NSUN6: variants seen among roughly 807,000 people sequenced by gnomAD.
NSUN6 encodes tRNA (cytosine(72)-C(5))-methyltransferase NSUN6.
In NSUN6, 64 loss-of-function variants were observed where a neutral mutation model predicts 58.0. The ratio of observed to expected loss-of-function variants is 1.10; its 90% CI spans 0.90 to 1.36. NSUN6 has a LOEUF of 1.36. Ranked by LOEUF, NSUN6 falls within the 40% of genes most tolerant of loss-of-function variation. NSUN6 has a pLI of 0.00. For synonymous variants in NSUN6, 231 were observed against 193.9 expected (o/e 1.19, Z -1.59); for missense variants, 701 against 550.1 (o/e 1.27, Z -2.74).
Position 18,651,392 on chromosome 10 carries a change from G to A in NSUN6, c.-189C>T, listed in dbSNP as rs1309935403. On this transcript the variant is annotated 5_prime_UTR_variant, in exon 1 of 11. Transcript: ENST00000377304. ...TCTCAAGCCTAGCCGATTAGAAGGG[G>A]CTGCCGGGCTTCCACCACACCTCAT... is the stretch of plus-strand genomic sequence containing the variant. 2 of 1,292,874 alleles carry A rather than the reference G, an allele frequency of 1.5e-6. No individual in the cohort carries two copies. The highest frequency in any genetic ancestry group is 3.2e-5 in the East Asian group (1 of 31,064). 80.1% of individuals were successfully genotyped at this position (1,292,874 alleles called of 1,614,324 possible). A position where few individuals can be genotyped will look rare whatever the true frequency, so the allele number is the denominator to read the frequency against.
chr10:18,566,428 C>A (rs2055951315), intron 8 of NSUN6, among the ~76,000 whole-genome samples: 1 of 149,158 alleles, frequency 6.7e-6, no homozygotes, highest in Admixed American at 6.7e-5. Context: ...TTCCACAATC[C>A]ATTCCGTTCA....
At chr10:18,600,959 T>TATATATATGTATATATATATATATATAC in intron 6 of NSUN6, among the ~76,000 whole-genome samples, 35 of 64,916 alleles carry the variant, frequency 5.4e-4, no homozygotes, top group Non-Finnish European at 6.4e-4. Context: ...TATATATATA[T>TATATATATGTATATATATATATATATAC]ACATATATAT....
chr10:18,623,832 G>C (rs111376938), intron 3 of NSUN6, among the ~76,000 whole-genome samples: 77 of 152,266 alleles, frequency 5.1e-4, no homozygotes, highest in African/African-American at 1.6e-3. Context: ...TTCACAGAGA[G>C]CCTCGGCTCT....
At position 18,651,267 on chromosome 10, in the gene NSUN6, T is replaced by C. The variant is rs2059697862; in HGVS notation, c.-64A>G. 6 of 1,501,168 alleles carry C rather than the reference T, an allele frequency of 4.0e-6. No homozygotes were observed. Among genetic ancestry groups the C allele is most frequent in the East Asian group, 2.4e-5 (1 of 41,266 alleles). 93.0% of individuals were successfully genotyped at this position (1,501,168 alleles called of 1,614,324 possible). A position where few individuals can be genotyped will look rare whatever the true frequency, so the allele number is the denominator to read the frequency against. ...GAAAACGGTGTTTTGTTTTTTTTTT[T>C]CTTTCCGAATTAATAGTGACGAGTG... On this transcript the variant is annotated 5_prime_UTR_variant, in exon 1 of 11. Coordinates refer to ENST00000377304, the MANE Select transcript of NSUN6 (RefSeq NM_182543.5).
At chr10:18,635,755 T>G (rs2059191915) in intron 3 of NSUN6, among the ~76,000 whole-genome samples, 1 of 151,532 alleles carries the variant, frequency 6.6e-6, no homozygotes, top group Non-Finnish European at 1.5e-5. Flanking sequence ...GGAGAACCAC[T>G]TGAACCCGGG....
At chr10:18,563,736 TC>T (rs2055717638) in intron 8 of NSUN6, among the ~76,000 whole-genome samples, 1 of 150,270 alleles carries the variant, frequency 6.7e-6, no homozygotes, top group African/African-American at 2.5e-5. Context: ...CATTCTCCAT[TC>T]CATTCCATTC....
Position 18,609,938 on chromosome 10 carries a change from G to T in NSUN6, c.576-12C>A. 6.7e-7 allele frequency: 1 copy of T among 1,501,326 alleles called. No homozygotes were observed. Among genetic ancestry groups the T allele is most frequent in the Non-Finnish European group, 9.3e-7 (1 of 1,077,766 alleles). 93.0% of individuals were successfully genotyped at this position (1,501,326 alleles called of 1,614,324 possible). ...TTATGCCCATGCCTCTGAAAAATAGGAAATCTAACATTAGTCTGTATAAAT... is the reference window on the plus strand; with the variant it reads ...TTATGCCCATGCCTCTGAAAAATAGTAAATCTAACATTAGTCTGTATAAAT... On this transcript the variant is annotated splice_polypyrimidine_tract_variant and intron_variant, in intron 5 of 10. Coordinates refer to ENST00000377304, the MANE Select transcript of NSUN6 (RefSeq NM_182543.5).
At position 18,615,128 on chromosome 10, in the gene NSUN6, T is replaced by TATATATATAC. The variant is rs562207637; in HGVS notation, c.422-516_422-515insGTATATATAT. Reference sequence around the variant, plus strand: ...ATTCATATATATATATATATATATATACACACACATATAGGCACACATATA... The same window carrying TATATATATAC: ...ATTCATATATATATATATATATATATATATATATACACACACACATATAGGCACACATATA... On this transcript the variant is annotated intron_variant, in intron 4 of 10. Transcript: ENST00000377304. Among the ~76,000 whole-genome samples, 26 of 148,054 alleles carry TATATATATAC rather than the reference T, an allele frequency of 1.8e-4. No homozygotes were observed. The South Asian group carries it at 3.4e-3, about 19-fold the overall frequency.
chr10:18,577,652 T>G (rs747895949), intron 8 of NSUN6, among the ~76,000 whole-genome samples: 15 of 152,230 alleles, frequency 9.9e-5, no homozygotes, highest in Middle Eastern at 3.2e-3. Context: ...GAGGGAATTA[T>G]TAGATATGAG....
At chr10:18,651,030 G>C in intron 1 of NSUN6, 99 bp downstream of exon 1, 1 of 1,417,754 alleles carries the variant, frequency 7.1e-7, no homozygotes, top group Non-Finnish European at 9.5e-7. Flanking sequence ...AAGGAACGAC[G>C]GCTGTCAAGA....
intron 9 of NSUN6, among the ~76,000 whole-genome samples, chr10:18,548,926 C>A (rs1177479450): frequency 6.6e-6 from 1 of 152,190 alleles, no homozygotes; most frequent in Non-Finnish European, 1.5e-5. Context: ...TCTACCTTCA[C>A]ATTCTAGCCA....
At position 18,570,138 on chromosome 10, in the gene NSUN6, C is replaced by T. The variant is rs547659174; in HGVS notation, c.922+15811G>A. On this transcript the variant is annotated intron_variant, in intron 8 of 10. Coordinates refer to ENST00000377304, the MANE Select transcript of NSUN6 (RefSeq NM_182543.5). ...CTCCATTCTTCATTCCATTCCATTT[C>T]GCATTCCATTCCATTCTCCATTCCA... Among the ~76,000 whole-genome samples the T allele has an allele frequency of 4.0e-5, 6 of 149,162 alleles. No homozygotes were observed. The South Asian group carries it at 6.4e-4, about 16-fold the overall frequency.
At chr10:18,586,132 AAG>A in intron 7 of NSUN6, 39 bp from the exon 8 acceptor site, 2 of 1,478,844 alleles carry the variant, frequency 1.4e-6, no homozygotes, top group Non-Finnish European at 9.1e-7. Context: ...GAAAAAAAAA[AAG>A]AAAATTATAA....
At chr10:18,549,545 C>G (rs566040449) in intron 9 of NSUN6, among the ~76,000 whole-genome samples, 7 of 152,178 alleles carry the variant, frequency 4.6e-5, no homozygotes, top group African/African-American at 1.7e-4. Flanking sequence ...ATTTCCTTTC[C>G]TAGTTAGAAT....
intron 1 of NSUN6, among the ~76,000 whole-genome samples, chr10:18,648,993 C>T (rs1189859253): frequency 1.3e-5 from 2 of 152,156 alleles, no homozygotes; most frequent in African/African-American, 2.4e-5. Flanking sequence ...ACCATTACAG[C>T]ATCTCTGTAG....
chr10:18,627,040 C>G (rs2058836540), intron 3 of NSUN6, among the ~76,000 whole-genome samples: 1 of 152,266 alleles, frequency 6.6e-6, no homozygotes, highest in Non-Finnish European at 1.5e-5. Flanking sequence ...TTACAAAATG[C>G]TGGTTGAGAT....
chr10:18,650,975 C>T (rs1461072103), intron 1 of NSUN6, among the ~76,000 whole-genome samples, 154 bp downstream of exon 1: 3 of 152,094 alleles, frequency 2.0e-5, no homozygotes, highest in Non-Finnish European at 4.4e-5. Context: ...AGCTTTAATA[C>T]CTGTAGAAAC....
chr10:18,651,190 G>C lies in NSUN6; in HGVS notation c.14C>G (p.Pro5Arg). 1 of 1,568,072 alleles carries C rather than the reference G, an allele frequency of 6.4e-7. No individual in the cohort carries two copies. The highest frequency in any genetic ancestry group is 8.6e-7 in the Non-Finnish European group (1 of 1,164,964). Residue 5 changes from proline (P) to arginine (R), a missense_variant, in exon 1 of 11, where the codon CCT becomes CGT. Pro to Arg is a moderately radical substitution (Grantham distance 103). Coordinates refer to ENST00000377304, the MANE Select transcript of NSUN6 (RefSeq NM_182543.5). MSIF[P>R]KISLRPEVEN... ...AACCTCAGGTCTCAAAGATATCTTAGGGAAAATAGACATTTTTCCTGTTGT... is the reference window on the plus strand; with the variant it reads ...AACCTCAGGTCTCAAAGATATCTTACGGAAAATAGACATTTTTCCTGTTGT...
chr10:18,622,683 T>C (rs2058654247), intron 3 of NSUN6, among the ~76,000 whole-genome samples: 1 of 152,188 alleles, frequency 6.6e-6, no homozygotes, highest in Admixed American at 6.5e-5. Context: ...CACTCTAGCC[T>C]GGGCAACAAG....
Sources: gnomAD v4.1 joint callset for allele counts (sites outside exome capture counted in the v4.1 genomes callset) on GRCh38, gnomAD v4.1.1 for gene constraint, MANE v1.5 for transcripts, NCBI Gene and HGNC (gene_info 2026-07-23, HGNC 2026-07-21) for gene names.